Variants in DPYD observed in about 807,000 individuals in gnomAD.
The protein encoded by DPYD is dihydropyrimidine dehydrogenase [NADP(+)].
A neutral mutation model predicts 116.2 loss-of-function variants in DPYD; 109 were observed. That is an observed-to-expected ratio of 0.94 (90% CI 0.80 to 1.10). The LOEUF (loss-of-function observed/expected upper bound fraction) is 1.10, where lower values mean the gene tolerates loss of function less well. DPYD is among the 50% of genes least tolerant of loss of function. The pLI is 0.00. For synonymous variants in DPYD, 440 were observed against 432.0 expected (o/e 1.02, Z -0.23); for missense variants, 1,302 against 1,254.5 (o/e 1.04, Z -0.57).
intron 10 of DPYD, 65 bp from the exon 11 acceptor site, chr1:97,574,035 C>G: frequency 6.3e-7 from 1 of 1,583,238 alleles, no homozygotes; most frequent in South Asian, 1.1e-5. Flanking sequence ...TATTTGATTT[C>G]TAATTGAATT....
chr1:97,699,942 C>T (rs1661503743), intron 5 of DPYD, among the ~76,000 whole-genome samples: 1 of 152,072 alleles, frequency 6.6e-6, no homozygotes, highest in African/African-American at 2.4e-5. Context: ...CATGTAAACA[C>T]ATTACCCTTG....
At chr1:97,806,679 G>A (rs1034122480) in intron 3 of DPYD, among the ~76,000 whole-genome samples, 2 of 151,736 alleles carry the variant, frequency 1.3e-5, no homozygotes, top group African/African-American at 2.4e-5. Flanking sequence ...ATCACACAAA[G>A]TTCATAGTTT....
At chr1:97,103,636 A>C (rs1384342245) in intron 20 of DPYD, among the ~76,000 whole-genome samples, 2 of 152,114 alleles carry the variant, frequency 1.3e-5, no homozygotes, top group African/African-American at 4.8e-5. Flanking sequence ...TTCATAGTGA[A>C]AGTAGAAAGT....
At chr1:97,729,717 A>G (rs1329211293) in intron 4 of DPYD, among the ~76,000 whole-genome samples, 1 of 152,040 alleles carries the variant, frequency 6.6e-6, no homozygotes, top group African/African-American at 2.4e-5. Flanking sequence ...AGTCACTTCT[A>G]TTACTCCTAT....
At chr1:97,878,401 A>G (rs931995557) in intron 2 of DPYD, among the ~76,000 whole-genome samples, 1 of 151,882 alleles carries the variant, frequency 6.6e-6, no homozygotes, top group African/African-American at 2.4e-5. Context: ...AGTTATTTAC[A>G]TATATCCTGA....
chr1:97,205,215 A>G (rs1484945430), intron 19 of DPYD, among the ~76,000 whole-genome samples: 1 of 152,044 alleles, frequency 6.6e-6, no homozygotes, highest in Non-Finnish European at 1.5e-5. Flanking sequence ...GTACCTTTCT[A>G]TGGTTTTTGA....
At chr1:97,645,501 C>T (rs945218183) in intron 8 of DPYD, among the ~76,000 whole-genome samples, 7 of 152,012 alleles carry the variant, frequency 4.6e-5, no homozygotes, top group African/African-American at 1.7e-4. Context: ...AATAACTTGT[C>T]TTTTCTACAC....
chr1:97,340,999 T>G lies in DPYD; in HGVS notation c.2058+32562A>C, dbSNP rs1193214226. 6.6e-5 allele frequency among the ~76,000 whole-genome samples: 10 copies of G among 152,314 alleles called. No homozygotes were observed. The East Asian group carries it at 1.9e-3, about 29-fold the overall frequency. On this transcript the variant is annotated intron_variant, in intron 16 of 22. Transcript: ENST00000370192. The stretch of plus-strand genomic sequence containing the variant: ...AATCTAAACCAACAGATGACCTACC[T>G]CACCCCTTTATCAACTGCTTATATT...
chr1:97,191,837 G>C (rs1285985824), intron 20 of DPYD, among the ~76,000 whole-genome samples: 1 of 152,118 alleles, frequency 6.6e-6, no homozygotes, highest in Non-Finnish European at 1.5e-5. Flanking sequence ...TTAGGATATT[G>C]ATAGTCATTG....
intron 8 of DPYD, among the ~76,000 whole-genome samples, chr1:97,605,047 C>T (rs1275837617): frequency 6.6e-6 from 1 of 152,056 alleles, no homozygotes; most frequent in East Asian, 1.9e-4. Flanking sequence ...TATACCATAT[C>T]CAAATGTCTT....
At chr1:97,130,355 T>C (rs1653186278) in intron 20 of DPYD, among the ~76,000 whole-genome samples, 1 of 152,146 alleles carries the variant, frequency 6.6e-6, no homozygotes, top group Admixed American at 6.6e-5. Context: ...TATGGACACA[T>C]CAGACATTTC....
chr1:97,623,936 A>G (rs1557844033), intron 8 of DPYD, among the ~76,000 whole-genome samples: 1 of 152,016 alleles, frequency 6.6e-6, no homozygotes, highest in Non-Finnish European at 1.5e-5. Context: ...CCACATGTAG[A>G]AGAACAAAAT....
intron 3 of DPYD, among the ~76,000 whole-genome samples, chr1:97,800,469 C>T (rs1667793071): frequency 6.6e-6 from 1 of 151,888 alleles, no homozygotes; most frequent in Non-Finnish European, 1.5e-5. Context: ...ACAGATCGAG[C>T]TCTCAACACT....
chr1:97,738,121 T>A (rs530030149), intron 4 of DPYD, among the ~76,000 whole-genome samples: 1 of 152,282 alleles, frequency 6.6e-6, no homozygotes, highest in African/African-American at 2.4e-5. Flanking sequence ...GATCACGAAA[T>A]CAAGGAACAC....
intron 5 of DPYD, among the ~76,000 whole-genome samples, chr1:97,713,197 A>G (rs1309255291): frequency 6.6e-6 from 1 of 152,126 alleles, no homozygotes; most frequent in East Asian, 1.9e-4. Flanking sequence ...ACCCTATATT[A>G]TGAGTCATCA....
At chr1:97,714,672 A>AC (rs1335996789) in intron 5 of DPYD, among the ~76,000 whole-genome samples, 1 of 151,432 alleles carries the variant, frequency 6.6e-6, no homozygotes, top group Non-Finnish European at 1.5e-5. Flanking sequence ...AAAAAAAAAA[A>AC]AACAACTAAG....
intron 14 of DPYD, among the ~76,000 whole-genome samples, chr1:97,440,292 A>G (rs1675703198): frequency 6.6e-6 from 1 of 151,998 alleles, no homozygotes; most frequent in African/African-American, 2.4e-5. Flanking sequence ...TCCAATGTGA[A>G]AATCTCTGCC....
At chr1:97,220,993 C>T (rs1271865906) in intron 19 of DPYD, among the ~76,000 whole-genome samples, 1 of 152,116 alleles carries the variant, frequency 6.6e-6, no homozygotes, top group African/African-American at 2.4e-5. Flanking sequence ...AGCCCAGGAG[C>T]CCCAGAGTAG....
At chr1:97,187,404 G>A (rs944363318) in intron 20 of DPYD, among the ~76,000 whole-genome samples, 11 of 151,928 alleles carry the variant, frequency 7.2e-5, no homozygotes, top group East Asian at 3.9e-4. Flanking sequence ...CGTCCTTTGC[G>A]TACTTTTTAA....
Sources: allele counts gnomAD v4.1 joint callset (sites outside exome capture counted in the v4.1 genomes callset), GRCh38; gene constraint gnomAD v4.1.1; transcripts MANE v1.5; gene names NCBI Gene and HGNC (gene_info 2026-07-23, HGNC 2026-07-21).